AGA: variants seen among roughly 807,000 people sequenced by gnomAD.
AGA encodes aspartylglucosaminidase, also known as N(4)-(beta-N-acetylglucosaminyl)-L-asparaginase.
In AGA, 31 loss-of-function variants were observed where a neutral mutation model predicts 40.1. The ratio of observed to expected loss-of-function variants is 0.77; its 90% confidence interval spans 0.58 to 1.04. The LOEUF (loss-of-function observed/expected upper bound fraction) is 1.04, where lower values mean the gene tolerates loss of function less well. Ranked by LOEUF, AGA falls within the 50% of genes least tolerant of loss-of-function variation. AGA has a pLI of 0.00. For synonymous variants in AGA, 148 were observed against 144.0 expected, an observed-to-expected ratio of 1.03 and a Z score of -0.20; for missense variants, 445 against 435.4, an observed-to-expected ratio of 1.02 and a Z score of -0.20.
intron 3 of AGA, 96 bp downstream of exon 3, chr4:177,439,480 A>C: frequency 1.1e-6 from 1 of 922,318 alleles, no homozygotes; most frequent in Non-Finnish European, 1.8e-6. Context: ...CTGGAATTTG[A>C]ACTTAGATCT....
chr4:177,442,096 G>A (rs1737040169), intron 1 of AGA, among the ~76,000 whole-genome samples, 153 bp downstream of exon 1: 1 of 152,138 alleles, frequency 6.6e-6, no homozygotes. Flanking sequence ...CGGCGCTGGA[G>A]ACTCGGGAAG....
chr4:177,433,225 G>A lies in AGA; in HGVS notation c.929C>T (p.Thr310Ile). Residue 310 changes from threonine (T) to isoleucine (I), a missense_variant, in exon 8 of 9, where the codon ACT (threonine) becomes ATT (isoleucine). Coordinates refer to ENST00000264595, the MANE Select transcript of AGA (RefSeq NM_000027.4). ...CAAACACAACTTACCGTAACTTCCA[G>A]TCACATTGGCACATATAACAGCCCC... ...FFGAVICANV[T>I]GSYGAACNKL... 6.2e-7 allele frequency: 1 copy of A among 1,614,050 alleles called. No individual in the cohort carries two copies. Among genetic ancestry groups the A allele is most frequent in the Non-Finnish European group, 8.5e-7 (1 of 1,179,976 alleles).
rs764496267 is a variant in AGA at position 177,442,378 on chromosome 4, C to G, written c.-3G>C. 1 of 1,613,998 alleles carries G rather than the reference C, an allele frequency of 6.2e-7. No homozygotes were observed. Among genetic ancestry groups the G allele is most frequent in the South Asian group, 1.1e-5 (1 of 91,070 alleles). On this transcript the variant is annotated 5_prime_UTR_variant, in exon 1 of 9. Transcript: ENST00000264595. ...GGCAAGTTCGACTTCCGCGCCATCC[C>G]TGACCACCGAAGAGACCAGCGCGAG...
At chr4:177,436,466 A>G in intron 5 of AGA, 115 bp from the exon 6 acceptor site, 1 of 854,764 alleles carries the variant, frequency 1.2e-6, no homozygotes, top group Non-Finnish European at 1.9e-6. Context: ...GTTCCCCCAA[A>G]TTCATGTCAA....
Position 177,438,876 on chromosome 4 carries a change from G to GA in AGA, c.395-20dup. ...GTGGTGGCTGGAGATTGGAAAAAAGGAAAGTATAAATTATTCAAGTATTGT... is the reference window on the plus strand; with the variant it reads ...GTGGTGGCTGGAGATTGGAAAAAAGGAAAAGTATAAATTATTCAAGTATTGT... On this transcript the variant is annotated intron_variant, in intron 3 of 8. Transcript: ENST00000264595. 2 of 1,429,652 alleles carry GA rather than the reference G, an allele frequency of 1.4e-6. No homozygotes were observed. The highest frequency in any genetic ancestry group is 2.0e-6 in the Non-Finnish European group (2 of 1,011,842). The allele number at this position is 1,429,652 out of a possible 1,614,324, so 88.6% of individuals were successfully genotyped here. A position where few individuals can be genotyped will look rare whatever the true frequency, so the allele number is the denominator to read the frequency against.
chr4:177,431,049 A>G lies in AGA; in HGVS notation c.*659T>C, dbSNP rs923449722. 2.2e-6 allele frequency: 1 copy of G among 453,904 alleles called. No individual in the cohort carries two copies. The highest frequency in any genetic ancestry group is 4.4e-6 in the Non-Finnish European group (1 of 226,738). The allele number at this position is 453,904 out of a possible 1,614,324, so 28.1% of individuals were successfully genotyped here. On this transcript the variant is annotated 3_prime_UTR_variant, in exon 9 of 9. Coordinates refer to ENST00000264595, the MANE Select transcript of AGA (RefSeq NM_000027.4). ...CGATCAATACTAAATATTAGCAGCT[A>G]AAACATCATTGATTCTTGTGGCTTT...
At chr4:177,438,250 C>T (rs183001509) in intron 4 of AGA, among the ~76,000 whole-genome samples, 59 of 152,172 alleles carry the variant, frequency 3.9e-4, no homozygotes, top group African/African-American at 1.3e-3. Context: ...CTAAGATATC[C>T]CACAGAAGGA....
intron 1 of AGA, among the ~76,000 whole-genome samples, chr4:177,440,738 A>G (rs1017088158): frequency 2.6e-5 from 4 of 152,108 alleles, no homozygotes; most frequent in Admixed American, 2.0e-4. Flanking sequence ...AAAAGGTACA[A>G]TCGAAACCAC....
Position 177,438,390 on chromosome 4 carries a change from C to T in AGA, c.507+355G>A, listed in dbSNP as rs6828154. ...AGAACAAGATACTGGATACACTGCA[C>T]GTAAAATCTAAGAAATATTTTAGAC... On this transcript the variant is annotated intron_variant, in intron 4 of 8. Coordinates refer to ENST00000264595, the MANE Select transcript of AGA (RefSeq NM_000027.4). Among the ~76,000 whole-genome samples, 958 of 152,238 alleles carry T rather than the reference C, an allele frequency of 6.3e-3. 14 individuals carry two copies. Among genetic ancestry groups the T allele is most frequent in the African/African-American group, 0.022 (906 of 41,518 alleles).
chr4:177,433,289 C>T lies in AGA; in HGVS notation c.865G>A (p.Val289Met), dbSNP rs750208695. 4 of 1,613,964 alleles carry T rather than the reference C, an allele frequency of 2.5e-6. No homozygotes were observed. The African/African-American group carries it at 5.3e-5, about 22-fold the overall frequency. The change falls in exon 8 of 9, where the codon GTG becomes ATG. Residue 289 changes from valine to methionine, a missense_variant. Val to Met is a conservative substitution (Grantham distance 21). Coordinates refer to ENST00000264595, the MANE Select transcript of AGA (RefSeq NM_000027.4). Reference sequence around the variant, plus strand: ...AAATGCTTCTGGATTCTTGAAATCACTTTTTGGCAAGCTATGGTTGGATCT... The same window carrying T: ...AAATGCTTCTGGATTCTTGAAATCATTTTTTGGCAAGCTATGGTTGGATCT... ...GEDPTIACQK[V>M]ISRIQKHFPE... is the part of the protein sequence containing the mutation.
Position 177,430,817 on chromosome 4 carries a change from A to G in AGA, c.*891T>C, listed in dbSNP as rs1422572210. The stretch of plus-strand genomic sequence containing the variant: ...ACATTTATTAATGACTGTTGATTAA[A>G]AAGATGATTTTGAAGGAAAAATGCT... On this transcript the variant is annotated 3_prime_UTR_variant, in exon 9 of 9. Coordinates refer to ENST00000264595, the MANE Select transcript of AGA (RefSeq NM_000027.4). The G allele has an allele frequency of 2.2e-6, 1 of 454,004 alleles. No individual in the cohort carries two copies. Among genetic ancestry groups the G allele is most frequent in the Admixed American group, 2.3e-5 (1 of 42,570 alleles). 28.1% of individuals were successfully genotyped at this position (454,004 alleles called of 1,614,324 possible). A position where few individuals can be genotyped will look rare whatever the true frequency, so the allele number is the denominator to read the frequency against.
At chr4:177,437,346 G>C (rs893208989) in intron 5 of AGA, 59 bp downstream of exon 5, 1 of 1,166,196 alleles carries the variant, frequency 8.6e-7, no homozygotes, top group East Asian at 2.4e-5. Context: ...ATAGGGAAGA[G>C]CTACAGGAAG....
rs1736932007 is a variant in AGA at position 177,439,660 on chromosome 4, C to T, written c.310G>A (p.Asp104Asn). The change falls in exon 3 of 9, where the codon GAT becomes AAT. Residue 104 changes from aspartate (D) to asparagine (N), a missense_variant. Transcript: ENST00000264595. The stretch of plus-strand genomic sequence containing the variant: ...ATAGCATTTTTAATTCGTCTGAGAT[C>T]TCCTACTGCTCCTACATCCATAGTA... ...GTTMDVGAVG[D>N]LRRIKNAIGV... The T allele has an allele frequency of 6.2e-7, 1 of 1,610,420 alleles. No homozygotes were observed. Among genetic ancestry groups the T allele is most frequent in the East Asian group, 2.2e-5 (1 of 44,866 alleles).
At chr4:177,438,315 T>C (rs1736888097) in intron 4 of AGA, among the ~76,000 whole-genome samples, 2 of 152,118 alleles carry the variant, frequency 1.3e-5, no homozygotes, top group Non-Finnish European at 2.9e-5. Context: ...AAAGAAAAAT[T>C]ATTCCACTGG....
At chr4:177,437,714 T>C (rs1027756706) in intron 4 of AGA, among the ~76,000 whole-genome samples, 195 bp from the exon 5 acceptor site, 1 of 152,208 alleles carries the variant, frequency 6.6e-6, no homozygotes. Context: ...TGAATATCCA[T>C]TCTAGTCTAA....
At chr4:177,434,569 T>C in intron 6 of AGA, 80 bp from the exon 7 acceptor site, 1 of 1,113,842 alleles carries the variant, frequency 9.0e-7, no homozygotes, top group Non-Finnish European at 1.4e-6. Flanking sequence ...AAATAAGGGA[T>C]AGTTCCACTT....
Position 177,442,432 on chromosome 4 carries a change from A to G in AGA, c.-57T>C. ...AGTCCCGGCAGCCAGCGATCGCCGA[A>G]CAATTAATCCCCAGTGCCCCGCCCG... On this transcript the variant is annotated 5_prime_UTR_variant, in exon 1 of 9. Coordinates refer to ENST00000264595, the MANE Select transcript of AGA (RefSeq NM_000027.4). 6.2e-7 allele frequency: 1 copy of G among 1,612,076 alleles called. No homozygotes were observed. Among genetic ancestry groups the G allele is most frequent in the Non-Finnish European group, 8.5e-7 (1 of 1,179,144 alleles).
At chr4:177,437,554 G>C (rs1340540365) in intron 4 of AGA, 35 bp from the exon 5 acceptor site, 2 of 1,493,832 alleles carry the variant, frequency 1.3e-6, no homozygotes, top group African/African-American at 1.4e-5. Context: ...TTCTTACAAA[G>C]GGTATTTTTA....
rs903884327 is a variant in AGA, at chr4:177,440,306, C to T, written c.248G>A (p.Gly83Glu). 1 of 1,613,966 alleles carries T rather than the reference C, an allele frequency of 6.2e-7. No individual in the cohort carries two copies. Among genetic ancestry groups the T allele is most frequent in the South Asian group, 1.1e-5 (1 of 91,056 alleles). Residue 83 changes from glycine to glutamate, a missense_variant, in exon 2 of 9, where the codon GGA becomes GAA. Coordinates refer to ENST00000264595, the MANE Select transcript of AGA (RefSeq NM_000027.4). ...GATCATGGCATCTAGTGTGGTTTCT[C>T]CAAGTTCATCAGGACTTCCTCCAAA... ...VGFGGSPDEL[G>E]ETTLDAMIMD...
Sources: allele counts gnomAD v4.1 joint callset (sites outside exome capture counted in the v4.1 genomes callset), GRCh38; gene constraint gnomAD v4.1.1; transcripts MANE v1.5; gene names NCBI Gene and HGNC (gene_info 2026-07-23, HGNC 2026-07-21).